The following TPCN1 variants were observed in gnomAD, a reference collection of about 807,000 sequenced individuals.
The protein encoded by TPCN1 is two pore channel protein 1.
A neutral mutation model predicts 108.8 loss-of-function variants in TPCN1; 52 were observed. The ratio of observed to expected loss-of-function variants is 0.48; its 90% CI spans 0.38 to 0.60. TPCN1 has a LOEUF of 0.60. Among genes scored for constraint, TPCN1 ranks in the 20% least tolerant of loss-of-function variants. The pLI, the probability that TPCN1 is intolerant of heterozygous loss-of-function variation, is 0.00. For missense variants in TPCN1, 806 were observed against 1,072.8 expected (o/e 0.75, Z 3.47); for synonymous variants, 446 against 433.7 (o/e 1.03, Z -0.35).
Position 113,288,414 on chromosome 12 carries a change from T to C in TPCN1, c.1706+180T>C, listed in dbSNP as rs1009210942. On this transcript the variant is annotated intron_variant, in intron 20 of 27. Transcript: ENST00000335509. The surrounding 1 kb of genome is among the most constrained non-coding windows in gnomAD (Gnocchi z 4.8). ...CCACAGGTCTCCTGGGCACCATTTT[T>C]CTCCACTGACCTGTCTGACATATTT... 1.3e-6 allele frequency: 2 copies of C among 1,483,492 alleles called. No individual in the cohort carries two copies. The highest frequency in any genetic ancestry group is 2.8e-5 in the African/African-American group (2 of 71,486). 91.9% of individuals were successfully genotyped at this position (1,483,492 alleles called of 1,614,324 possible). A position where few individuals can be genotyped will look rare whatever the true frequency, so the allele number is the denominator to read the frequency against.
chr12:113,282,476 A>G (rs1184191161), intron 15 of TPCN1, among the ~76,000 whole-genome samples: 1 of 151,068 alleles, frequency 6.6e-6, no homozygotes, highest in African/African-American at 2.4e-5. Flanking sequence ...ATGGCCGGGC[A>G]TGGTGGCTCA....
intron 19 of TPCN1, among the ~76,000 whole-genome samples, chr12:113,287,918 GCTC>G (rs1256671993): frequency 1.3e-5 from 2 of 152,322 alleles, no homozygotes; most frequent in Non-Finnish European, 2.9e-5. Flanking sequence ...GCCTGGCCCT[GCTC>G]CTCTTCGTGG....
rs1377505829 is a variant in TPCN1 at position 113,272,146 on chromosome 12, TC to T, written c.749-510del. 6.6e-6 allele frequency among the ~76,000 whole-genome samples: 1 copy of T among 152,132 alleles called. No individual in the cohort carries two copies. Among genetic ancestry groups the T allele is most frequent in the Non-Finnish European group, 1.5e-5 (1 of 68,014 alleles). The stretch of plus-strand genomic sequence containing the variant: ...GGCTGATTTCCCCTGAGGGCAGAGT[TC>T]CTCCCTTTTCCCACTCAGGATTTCA... On this transcript the variant is annotated intron_variant, in intron 7 of 27. Transcript: ENST00000335509. This position sits in a 1 kb window ranked among gnomAD's most constrained non-coding sequence, Gnocchi z 4.1.
chr12:113,251,256 G>T (rs1419889953), intron 2 of TPCN1, among the ~76,000 whole-genome samples: 8 of 152,182 alleles, frequency 5.3e-5, no homozygotes, highest in African/African-American at 1.9e-4. Context: ...AGCCATGATA[G>T]TGCCACTGCA....
At position 113,280,193 on chromosome 12, in the gene TPCN1, T is replaced by C. The variant is rs1457075738; in HGVS notation, c.1340T>C (p.Met447Thr). The part of the protein sequence containing the change: ...LVKSKAFQYF[M>T]YLVVAVNGVW... The stretch of plus-strand genomic sequence containing the variant: ...AAGTCCAAGGCCTTCCAGTATTTCA[T>C]GTGTAAGTGTGAAATATCTCCACTC... The change falls in exon 15 of 28, where the codon ATG (methionine) becomes ACG (threonine). Residue 447 changes from methionine (M) to threonine (T), a missense_variant and splice_region_variant. Physicochemically the swap from Met to Thr is moderately conservative, Grantham distance 81 (BLOSUM62 -1). Transcript: ENST00000335509. The C allele has an allele frequency of 1.2e-6, 2 of 1,608,366 alleles. No homozygotes were observed. The highest frequency in any genetic ancestry group is 1.1e-5 in the South Asian group (1 of 90,802).
At chr12:113,248,327 G>T (rs1325145607) in intron 2 of TPCN1, among the ~76,000 whole-genome samples, 1 of 152,250 alleles carries the variant, frequency 6.6e-6, no homozygotes, top group Non-Finnish European at 1.5e-5. Flanking sequence ...TACACATTGT[G>T]TACAACGCTG....
chr12:113,241,672 T>A (rs1954130071), intron 2 of TPCN1, among the ~76,000 whole-genome samples: 1 of 152,120 alleles, frequency 6.6e-6, no homozygotes. Flanking sequence ...ACAATTAGCA[T>A]TTCAGATGCT....
At position 113,263,078 on chromosome 12, in the gene TPCN1, G is replaced by GT. The variant is rs1195344316; in HGVS notation, c.237+2587dup. Among the ~76,000 whole-genome samples, 5 of 152,156 alleles carry GT rather than the reference G, an allele frequency of 3.3e-5. No homozygotes were observed. The East Asian group carries it at 9.6e-4, about 29-fold the overall frequency. Reference sequence around the variant, plus strand: ...AGCATGTGCATGTGGGTATGTATGTGTACAGATATCCATACATATCTCAAA... The same window carrying GT: ...AGCATGTGCATGTGGGTATGTATGTGTTACAGATATCCATACATATCTCAAA... On this transcript the variant is annotated intron_variant, in intron 3 of 27. Coordinates refer to ENST00000335509, the MANE Select transcript of TPCN1 (RefSeq NM_017901.6).
chr12:113,288,121 G>A lies in TPCN1; in HGVS notation c.1635-42G>A, dbSNP rs374984360. On this transcript the variant is annotated intron_variant, in intron 19 of 27. Transcript: ENST00000335509. This position sits in a 1 kb window ranked among gnomAD's most constrained non-coding sequence, Gnocchi z 4.8. ...ATGTTCTGAGGGCGGGGGCTGAGGC[G>A]TGCACCTGTGTGTGGAGGTGACGGG... 3.9e-5 allele frequency: 62 copies of A among 1,573,348 alleles called. No individual in the cohort carries two copies. Among genetic ancestry groups the A allele is most frequent in the African/African-American group, 3.9e-4 (29 of 74,268 alleles).
intron 3 of TPCN1, among the ~76,000 whole-genome samples, chr12:113,261,860 C>T (rs1472177493): frequency 6.6e-6 from 1 of 151,988 alleles, no homozygotes. Flanking sequence ...CCCCTTACAT[C>T]TAGGATTATT....
chr12:113,243,786 A>G, intron 2 of TPCN1, among the ~76,000 whole-genome samples: 1 of 152,156 alleles, frequency 6.6e-6, no homozygotes, highest in Admixed American at 6.5e-5. Context: ...AAAATAAAAT[A>G]AAAAAAGTTT....
intron 13 of TPCN1, 49 bp downstream of exon 13, chr12:113,278,286 C>A: frequency 6.4e-7 from 1 of 1,557,642 alleles, no homozygotes; most frequent in Non-Finnish European, 8.9e-7. Context: ...GAGGTCCCCA[C>A]GTGGGGCAGT....
chr12:113,250,588 A>T (rs1954594992), intron 2 of TPCN1, among the ~76,000 whole-genome samples: 1 of 152,272 alleles, frequency 6.6e-6, no homozygotes, highest in Non-Finnish European at 1.5e-5. Context: ...GGGCAGGGAC[A>T]ACCCTGGGAA....
intron 2 of TPCN1, among the ~76,000 whole-genome samples, chr12:113,258,844 G>C (rs1025095154): frequency 7.9e-5 from 12 of 152,140 alleles, no homozygotes; most frequent in African/African-American, 2.9e-4. Context: ...CTCATGACTG[G>C]CAATTCAAGA....
rs1188233231 is a variant in TPCN1, at chr12:113,245,956, C to T, written c.113-14412C>T. The T allele has an allele frequency of 6.6e-6, 3 of 455,966 alleles. No individual in the cohort carries two copies. In the Admixed American group the frequency reaches 7.1e-5, roughly 11 times the overall value. 28.2% of individuals were successfully genotyped at this position (455,966 alleles called of 1,614,324 possible). ...CTCCAGCAAACAGAAACCTTGGATT[C>T]CCTGCAGGGTCATTTCCGATGTGGC... On this transcript the variant is annotated intron_variant, in intron 2 of 27. Coordinates refer to ENST00000335509, the MANE Select transcript of TPCN1 (RefSeq NM_017901.6).
At chr12:113,280,860 T>G (rs1955863954) in intron 15 of TPCN1, among the ~76,000 whole-genome samples, 1 of 152,184 alleles carries the variant, frequency 6.6e-6, no homozygotes, top group South Asian at 2.1e-4. Flanking sequence ...CAATTCGAGG[T>G]GCTGGGTGCT....
Position 113,269,140 on chromosome 12 carries a change from G to A in TPCN1, c.659+268G>A, listed in dbSNP as rs1292456205. On this transcript the variant is annotated intron_variant, in intron 6 of 27. Transcript: ENST00000335509. The surrounding 1 kb of genome is among the most constrained non-coding windows in gnomAD (Gnocchi z 5.0). The stretch of plus-strand genomic sequence containing the variant: ...AGAGCTGCTTCCTCGCTCTAGGCAT[G>A]TTATCTACCCAAATGCAGGCAGCTC... 6.6e-6 allele frequency among the ~76,000 whole-genome samples: 1 copy of A among 152,186 alleles called. No individual in the cohort carries two copies. Among genetic ancestry groups the A allele is most frequent in the Non-Finnish European group, 1.5e-5 (1 of 68,030 alleles).
chr12:113,287,219 C>T lies in TPCN1; in HGVS notation c.1634+125C>T, dbSNP rs540519187. 24 of 769,224 alleles carry T rather than the reference C, an allele frequency of 3.1e-5. No homozygotes were observed. The South Asian group carries it at 3.9e-4, about 12-fold the overall frequency. The allele number at this position is 769,224 out of a possible 1,614,324, so 47.6% of individuals were successfully genotyped here. On this transcript the variant is annotated intron_variant, in intron 19 of 27. Coordinates refer to ENST00000335509, the MANE Select transcript of TPCN1 (RefSeq NM_017901.6). ...CACAAGCCAGAGTCACAGATGTCACCCCCTGGAGAATCACCATGGGGTCAA... is the reference window on the plus strand; with the variant it reads ...CACAAGCCAGAGTCACAGATGTCACTCCCTGGAGAATCACCATGGGGTCAA...
At position 113,287,120 on chromosome 12, in the gene TPCN1, C is replaced by G. The variant is rs375162962; in HGVS notation, c.1634+26C>G. 208 of 1,580,152 alleles carry G rather than the reference C, an allele frequency of 1.3e-4. 1 individual carries two copies. In the African/African-American group the frequency reaches 2.5e-3, roughly 19 times the overall value. On this transcript the variant is annotated intron_variant, in intron 19 of 27. Coordinates refer to ENST00000335509, the MANE Select transcript of TPCN1 (RefSeq NM_017901.6). ...GTGATGGGCAGGGCAGAGCCGGAGA[C>G]AGGGAGAAAGAGAGGGAGGACGGGA...
Sources: gnomAD v4.1 joint callset for allele counts (sites outside exome capture counted in the v4.1 genomes callset) on GRCh38, gnomAD v4.1.1 for gene constraint, Gnocchi (gnomAD v3.1) non-coding constraint, MANE v1.5 for transcripts, NCBI Gene and HGNC (gene_info 2026-07-23, HGNC 2026-07-21) for gene names.